ANO10: variants seen among roughly 807,000 people sequenced by gnomAD.
ANO10 encodes anoctamin 10, also known as anoctamin-10.
In ANO10, 77 loss-of-function variants were observed where a neutral mutation model predicts 74.7. That is an observed-to-expected ratio of 1.03 (90% confidence interval 0.86 to 1.25). The LOEUF (loss-of-function observed/expected upper bound fraction) is 1.25. ANO10 is among the 50% of genes most tolerant of loss of function. The pLI is 0.00. For missense variants in ANO10, 721 were observed against 778.1 expected (o/e 0.93, Z 0.87); for synonymous variants, 279 against 284.9 (o/e 0.98, Z 0.21).
At chr3:43,583,795 C>T (rs1436644156) in intron 4 of ANO10, among the ~76,000 whole-genome samples, 3 of 152,188 alleles carry the variant, frequency 2.0e-5, no homozygotes, top group African/African-American at 7.2e-5. Flanking sequence ...GTGAACAGAT[C>T]ACTTTTGTCT....
intron 10 of ANO10, chr3:43,551,692 G>T: frequency 1.1e-5 from 4 of 349,070 alleles, no homozygotes; most frequent in South Asian, 2.3e-5. Flanking sequence ...ATCATAGAAT[G>T]GTCCTCTCTG....
At chr3:43,454,417 T>G (rs1351631323) in intron 11 of ANO10, among the ~76,000 whole-genome samples, 2 of 152,166 alleles carry the variant, frequency 1.3e-5, no homozygotes, top group Non-Finnish European at 2.9e-5. Context: ...GGCTGCTGTG[T>G]TGAGACCAGA....
In ANO10 at chr3:43,522,939, C is replaced by T. The variant is rs565422909; in HGVS notation, c.1797+26781G>A. On this transcript the variant is annotated intron_variant, in intron 11 of 12. Transcript: ENST00000292246. ...GTTTAGGGTAAAAAATTATTACTGG[C>T]TCAATATAGATCATGTGCCCACGTC... Among the ~76,000 whole-genome samples, 10 of 152,268 alleles carry T rather than the reference C, an allele frequency of 6.6e-5. No individual in the cohort carries two copies. In the East Asian group the frequency reaches 1.2e-3, roughly 18 times the overall value.
intron 11 of ANO10, among the ~76,000 whole-genome samples, chr3:43,534,145 T>A (rs527593299): frequency 6.6e-5 from 10 of 152,214 alleles, no homozygotes; most frequent in Non-Finnish European, 1.5e-4. Context: ...ACCCAGAGAA[T>A]AAGTACATAA....
intron 1 of ANO10, among the ~76,000 whole-genome samples, chr3:43,683,321 A>C (rs111859385): frequency 0.084 from 12,732 of 152,148 alleles, 736 homozygotes; most frequent in South Asian, 0.21. Flanking sequence ...TGAGTGAATT[A>C]CCATTCACAA....
At chr3:43,551,333 G>C (rs2079447106) in intron 10 of ANO10, 1 of 332,610 alleles carries the variant, frequency 3.0e-6, no homozygotes, top group Admixed American at 3.9e-5. Context: ...ACAGTGCCTG[G>C]CTTCCTGAAC....
intron 12 of ANO10, among the ~76,000 whole-genome samples, chr3:43,419,608 C>T (rs534324517): frequency 8.6e-5 from 13 of 151,926 alleles, no homozygotes; most frequent in South Asian, 2.1e-4. Context: ...CTCCGCCTCC[C>T]GGGTTCAAGC....
chr3:43,662,964 C>T (rs1034752636), intron 1 of ANO10, among the ~76,000 whole-genome samples: 23 of 152,280 alleles, frequency 1.5e-4, no homozygotes, highest in African/African-American at 5.5e-4. Flanking sequence ...ACCAGAGGTA[C>T]AAAGAGGAGC....
chr3:43,493,412 A>C (rs995701311), intron 11 of ANO10, among the ~76,000 whole-genome samples: 2 of 152,110 alleles, frequency 1.3e-5, no homozygotes, highest in Non-Finnish European at 2.9e-5. Flanking sequence ...TTAAAGTATA[A>C]TTTAAAAAAA....
At chr3:43,556,256 G>A (rs954948749) in intron 9 of ANO10, among the ~76,000 whole-genome samples, 1 of 152,200 alleles carries the variant, frequency 6.6e-6, no homozygotes, top group Non-Finnish European at 1.5e-5. Flanking sequence ...AAGAAATCCT[G>A]ATACCCTATG....
intron 11 of ANO10, among the ~76,000 whole-genome samples, chr3:43,470,915 C>T (rs2075831513): frequency 6.6e-6 from 1 of 152,098 alleles, no homozygotes; most frequent in South Asian, 2.1e-4. Context: ...GTGTGCACCA[C>T]CGCTCTTGGC....
At chr3:43,666,541 A>T (rs2083994660) in intron 1 of ANO10, among the ~76,000 whole-genome samples, 1 of 152,188 alleles carries the variant, frequency 6.6e-6, no homozygotes, top group Non-Finnish European at 1.5e-5. Context: ...AATTACACTG[A>T]CAAGATACTC....
chr3:43,534,543 G>A (rs996719849), intron 11 of ANO10, among the ~76,000 whole-genome samples: 5 of 151,638 alleles, frequency 3.3e-5, no homozygotes, highest in Admixed American at 6.6e-5. Context: ...TGGGGGGAGG[G>A]AGGGAGGAGC....
chr3:43,372,903 A>G, intron 12 of ANO10: 1 of 1,508,068 alleles, frequency 6.6e-7, no homozygotes, highest in Non-Finnish European at 8.9e-7. Flanking sequence ...TGTAATTCCG[A>G]TGAACTTGTG....
intron 1 of ANO10, chr3:43,690,927 C>A: frequency 1.3e-6 from 2 of 1,510,220 alleles, no homozygotes; most frequent in Non-Finnish European, 1.8e-6. Context: ...CGCGCCAGCC[C>A]GGGGCGGCCC....
chr3:43,458,333 A>C (rs1357752662), intron 11 of ANO10, among the ~76,000 whole-genome samples: 1 of 152,192 alleles, frequency 6.6e-6, no homozygotes, highest in African/African-American at 2.4e-5. Flanking sequence ...ATCTGTTCTA[A>C]GAAGAAGTTT....
At chr3:43,678,849 A>G (rs2084157331) in intron 1 of ANO10, among the ~76,000 whole-genome samples, 1 of 152,240 alleles carries the variant, frequency 6.6e-6, no homozygotes, top group African/African-American at 2.4e-5. Flanking sequence ...TATTTTAAAA[A>G]TTACACATTC....
intron 11 of ANO10, among the ~76,000 whole-genome samples, chr3:43,493,326 G>A (rs2076798202): frequency 6.6e-6 from 1 of 152,094 alleles, no homozygotes; most frequent in African/African-American, 2.4e-5. Flanking sequence ...CCTAATGTAG[G>A]TGACAGGTTG....
At chr3:43,669,231 G>A (rs1005545487) in intron 1 of ANO10, among the ~76,000 whole-genome samples, 2 of 152,144 alleles carry the variant, frequency 1.3e-5, no homozygotes, top group Non-Finnish European at 2.9e-5. Context: ...AGTTTCTCCT[G>A]AGGAAAGGCC....
Sources: allele counts gnomAD v4.1 joint callset (sites outside exome capture counted in the v4.1 genomes callset), GRCh38; gene constraint gnomAD v4.1.1; transcripts MANE v1.5; gene names NCBI Gene and HGNC (gene_info 2026-07-23, HGNC 2026-07-21).